The following ABL2 variants were observed in gnomAD, a reference collection of about 807,000 sequenced individuals.
The protein encoded by ABL2 is ABL proto-oncogene 2, non-receptor tyrosine kinase.
In ABL2, 49 loss-of-function variants were observed where a neutral mutation model predicts 107.7. That is an observed-to-expected ratio of 0.45 (90% CI 0.36 to 0.58). ABL2 has a LOEUF of 0.58. Among genes scored for constraint, ABL2 ranks in the 20% least tolerant of loss-of-function variants. The pLI is 0.00. For missense variants in ABL2, 1,245 were observed against 1,457.0 expected (o/e 0.85, Z 2.37); for synonymous variants, 549 against 548.6 (o/e 1.00, Z -0.01).
chr1:179,174,138 A>T lies in ABL2; in HGVS notation c.158-40764T>A, dbSNP rs563505411. 2.0e-5 allele frequency among the ~76,000 whole-genome samples: 3 copies of T among 152,232 alleles called. No individual in the cohort carries two copies. The South Asian group carries it at 6.2e-4, about 32-fold the overall frequency. On this transcript the variant is annotated intron_variant, in intron 1 of 11. Coordinates refer to ENST00000502732, the MANE Select transcript of ABL2 (RefSeq NM_007314.4). ...CTCTGTCTCTACTAAAAATACAAAA[A>T]GTAGCTGGGCGTGGTGGTGTGTGCA...
chr1:179,227,532 C>T (rs1031349480), intron 1 of ABL2, among the ~76,000 whole-genome samples: 1 of 152,106 alleles, frequency 6.6e-6, no homozygotes, highest in Non-Finnish European at 1.5e-5. Context: ...TCTTACATAC[C>T]GAATAAGATA....
At position 179,118,646 on chromosome 1, in the gene ABL2, G is replaced by A. The variant is rs1348261794; in HGVS notation, c.1164C>T (p.Tyr388=). 9 of 1,613,714 alleles carry A rather than the reference G, an allele frequency of 5.6e-6. No homozygotes were observed. The highest frequency in any genetic ancestry group is 7.6e-6 in the Non-Finnish European group (9 of 1,179,980). The change falls in exon 7 of 12, where the codon TAC becomes TAT. Residue 388 remains tyrosine (Y), a synonymous_variant. Transcript: ENST00000502732. ...REEVTAVVLL[Y]MATQISSAME... is the part of the protein sequence containing the mutation. ...TTGCAGAAGAAATCTGAGTGGCCAT[G>A]TAGAGCAGCACAACTGCAGTCACCT... is the stretch of plus-strand genomic sequence containing the variant.
At chr1:179,135,078 T>C (rs2102679801) in intron 1 of ABL2, among the ~76,000 whole-genome samples, 1 of 152,328 alleles carries the variant, frequency 6.6e-6, no homozygotes, top group African/African-American at 2.4e-5. Flanking sequence ...CTCGGCTCAC[T>C]ACAACCTCCA....
chr1:179,229,149 GA>G (rs1663397106), intron 1 of ABL2, 91 bp downstream of exon 1: 1 of 1,340,920 alleles, frequency 7.5e-7, no homozygotes, highest in African/African-American at 1.5e-5. Context: ...TCCACCCTCC[GA>G]CCCCTCGGGC....
intron 1 of ABL2, chr1:179,202,012 G>C: frequency 1.4e-6 from 1 of 707,072 alleles, no homozygotes; most frequent in South Asian, 5.6e-5. Context: ...GGGAGCCAAG[G>C]GATGGACATC....
chr1:179,212,963 T>C (rs1662360602), intron 1 of ABL2, among the ~76,000 whole-genome samples: 1 of 150,886 alleles, frequency 6.6e-6, no homozygotes, highest in South Asian at 2.1e-4. Flanking sequence ...GGAGAATCGC[T>C]TGAACCTGGG....
intron 1 of ABL2, among the ~76,000 whole-genome samples, chr1:179,185,850 C>T (rs1660657194): frequency 6.6e-6 from 1 of 151,796 alleles, no homozygotes; most frequent in Non-Finnish European, 1.5e-5. Context: ...AAAAAATTAC[C>T]TTCTAAACCA....
intron 1 of ABL2, among the ~76,000 whole-genome samples, chr1:179,186,299 T>C (rs1472460379): frequency 6.6e-6 from 1 of 152,150 alleles, no homozygotes; most frequent in Non-Finnish European, 1.5e-5. Context: ...ATGAGTAATG[T>C]ATACTAGCCT....
chr1:179,136,320 T>C (rs1310504094), intron 1 of ABL2, among the ~76,000 whole-genome samples: 1 of 151,606 alleles, frequency 6.6e-6, no homozygotes, highest in Non-Finnish European at 1.5e-5. Context: ...CGTGTCTGTG[T>C]AGAAAGAGGT....
chr1:179,193,505 A>G (rs1028010611), intron 1 of ABL2, among the ~76,000 whole-genome samples: 1 of 150,774 alleles, frequency 6.6e-6, no homozygotes, highest in Admixed American at 6.6e-5. Flanking sequence ...CCTGGGTTCA[A>G]GCAATTCTCC....
chr1:179,140,497 T>C (rs528952224), intron 1 of ABL2, among the ~76,000 whole-genome samples: 2 of 152,346 alleles, frequency 1.3e-5, no homozygotes, highest in South Asian at 4.1e-4. Flanking sequence ...ATTATATTCA[T>C]GTATCTAAGT....
At chr1:179,161,098 A>C (rs1461155960) in intron 1 of ABL2, among the ~76,000 whole-genome samples, 2 of 152,176 alleles carry the variant, frequency 1.3e-5, no homozygotes, top group Non-Finnish European at 2.9e-5. Flanking sequence ...ACTGCCTAGA[A>C]CTTCCTATAC....
intron 9 of ABL2, among the ~76,000 whole-genome samples, chr1:179,113,936 AAAAT>A (rs1353570722): frequency 4.6e-5 from 5 of 109,822 alleles, no homozygotes; most frequent in Non-Finnish European, 4.1e-5. Flanking sequence ...TCCGTCTCAA[AAAAT>A]AAATAAATAA....
chr1:179,172,155 T>C lies in ABL2; in HGVS notation c.158-38781A>G, dbSNP rs74919312. On this transcript the variant is annotated intron_variant, in intron 1 of 11. Coordinates refer to ENST00000502732, the MANE Select transcript of ABL2 (RefSeq NM_007314.4). ...ATCAGCATTTTCAAATAGCAAAGAC[T>C]AGAATTAAAAGTTGGTATATGCTAC... Among the ~76,000 whole-genome samples the C allele has an allele frequency of 1.0e-2, 1,518 of 152,268 alleles. 15 individuals carry two copies. Among genetic ancestry groups the C allele is most frequent in the East Asian group, 0.02 (104 of 5,182 alleles).
At chr1:179,128,549 T>G (rs972690306) in intron 3 of ABL2, among the ~76,000 whole-genome samples, 2 of 152,186 alleles carry the variant, frequency 1.3e-5, no homozygotes, top group African/African-American at 4.8e-5. Flanking sequence ...CCCAGGATTT[T>G]TTGTTTGTTG....
chr1:179,180,261 A>G (rs981996882), intron 1 of ABL2, among the ~76,000 whole-genome samples: 1 of 152,182 alleles, frequency 6.6e-6, no homozygotes, highest in Non-Finnish European at 1.5e-5. Context: ...GCACCAAATT[A>G]TGAAAGCTTT....
At position 179,121,883 on chromosome 1, in the gene ABL2, G is replaced by A; in HGVS notation, c.688-16C>T. 1.5e-6 allele frequency: 2 copies of A among 1,322,986 alleles called. No homozygotes were observed. Among genetic ancestry groups the A allele is most frequent in the South Asian group, 1.3e-5 (1 of 78,892 alleles). 82.0% of individuals were successfully genotyped at this position (1,322,986 alleles called of 1,614,324 possible). On this transcript the variant is annotated splice_polypyrimidine_tract_variant and intron_variant, in intron 4 of 11. Coordinates refer to ENST00000502732, the MANE Select transcript of ABL2 (RefSeq NM_007314.4). ...TCACATACACCTGGTAAGAAAAGGA[G>A]AAAAGCTAAACAACTTGAAAAGAGA...
chr1:179,153,068 AAG>A (rs1658460070), intron 1 of ABL2, among the ~76,000 whole-genome samples: 1 of 152,234 alleles, frequency 6.6e-6, no homozygotes, highest in African/African-American at 2.4e-5. Context: ...CAGAAAAAAA[AAG>A]GAAGTTATTA....
At chr1:179,128,872 CAG>C (rs946235423) in intron 3 of ABL2, among the ~76,000 whole-genome samples, 4 of 151,958 alleles carry the variant, frequency 2.6e-5, no homozygotes, top group African/African-American at 9.7e-5. Context: ...TTTGTAGAGA[CAG>C]GGGTCTCACT....
Sources: allele counts gnomAD v4.1 joint callset (sites outside exome capture counted in the v4.1 genomes callset), GRCh38; gene constraint gnomAD v4.1.1; transcripts MANE v1.5; gene names NCBI Gene and HGNC (gene_info 2026-07-23, HGNC 2026-07-21).